The following FOLH1 variants were observed in gnomAD, a reference collection of about 807,000 sequenced individuals.
FOLH1 encodes glutamate carboxypeptidase 2.
FOLH1 carries 54 observed loss-of-function variants against 93.9 expected under a neutral mutation model. The ratio of observed to expected loss-of-function variants is 0.57; its 90% CI spans 0.46 to 0.72. The LOEUF (loss-of-function observed/expected upper bound fraction) is 0.72, where lower values mean the gene tolerates loss of function less well. Ranked by LOEUF, FOLH1 falls within the 30% of genes least tolerant of loss-of-function variation. The pLI, the probability that FOLH1 is intolerant of heterozygous loss-of-function variation, is 0.00. For missense variants in FOLH1, 571 were observed against 892.5 expected, an observed-to-expected ratio of 0.64 and a Z score of 4.59; for synonymous variants, 249 against 303.6, an observed-to-expected ratio of 0.82 and a Z score of 1.87.
chr11:49,150,553 C>A (rs1856391376), intron 17 of FOLH1, among the ~76,000 whole-genome samples: 1 of 152,044 alleles, frequency 6.6e-6, no homozygotes, highest in Admixed American at 6.6e-5. Flanking sequence ...TAAATATTTA[C>A]CAAGTGATAA....
At position 49,162,616 on chromosome 11, in the gene FOLH1, C is replaced by T. The variant is rs562653026; in HGVS notation, c.1440+2089G>A. 7.9e-5 allele frequency among the ~76,000 whole-genome samples: 12 copies of T among 152,222 alleles called. 1 individual carries two copies. The Middle Eastern group carries it at 0.01, about 129-fold the overall frequency. ...CATTTCAGGCATCTCAGCCTCAACC[C>T]GGTTCCGAAACCTTGCTGGAGAAGT... On this transcript the variant is annotated intron_variant, in intron 13 of 18. Transcript: ENST00000256999.
chr11:49,180,499 G>A (rs1033869712), intron 7 of FOLH1, among the ~76,000 whole-genome samples: 4 of 151,920 alleles, frequency 2.6e-5, no homozygotes, highest in Admixed American at 6.6e-5. Flanking sequence ...AGCATTCTTC[G>A]GCCATTATAT....
intron 17 of FOLH1, among the ~76,000 whole-genome samples, chr11:49,150,434 T>C (rs1856374965): frequency 6.6e-6 from 1 of 152,150 alleles, no homozygotes; most frequent in African/African-American, 2.4e-5. Flanking sequence ...TATACAAATA[T>C]AGGCAAGATT....
At chr11:49,162,364 C>T (rs546429957) in intron 13 of FOLH1, among the ~76,000 whole-genome samples, 7 of 152,158 alleles carry the variant, frequency 4.6e-5, no homozygotes, top group African/African-American at 1.4e-4. Flanking sequence ...TTCAGAAAGA[C>T]AGTCTTCAAC....
chr11:49,208,539 G>C lies in FOLH1; in HGVS notation c.-130C>G, dbSNP rs1864236628. 1.7e-6 allele frequency: 1 copy of C among 604,746 alleles called. No individual in the cohort carries two copies. Among genetic ancestry groups the C allele is most frequent in the African/African-American group, 1.9e-5 (1 of 53,010 alleles). 37.5% of individuals were successfully genotyped at this position (604,746 alleles called of 1,614,324 possible). On this transcript the variant is annotated 5_prime_UTR_variant, in exon 1 of 19. Coordinates refer to ENST00000256999, the MANE Select transcript of FOLH1 (RefSeq NM_004476.3). ...AATGCCTCGCTTATCAGCCCTGCAGGCTGGAATTCGCTCCAGACCTGGGGT... is the reference window on the plus strand; with the variant it reads ...AATGCCTCGCTTATCAGCCCTGCAGCCTGGAATTCGCTCCAGACCTGGGGT...
chr11:49,188,711 A>C (rs1162609284), intron 4 of FOLH1, among the ~76,000 whole-genome samples: 1 of 152,162 alleles, frequency 6.6e-6, no homozygotes, highest in African/African-American at 2.4e-5. Context: ...AATTATTGCT[A>C]GAATGAGACT....
intron 15 of FOLH1, among the ~76,000 whole-genome samples, chr11:49,156,364 T>C (rs1857035856): frequency 6.6e-6 from 1 of 152,152 alleles, no homozygotes; most frequent in African/African-American, 2.4e-5. Flanking sequence ...GGGGAGATAC[T>C]AATTTTGAAT....
chr11:49,169,176 T>C lies in FOLH1; in HGVS notation c.1372+19A>G, dbSNP rs1004948362. The C allele has an allele frequency of 6.8e-6, 11 of 1,611,396 alleles. No individual in the cohort carries two copies. The Admixed American group carries it at 8.3e-5, about 12-fold the overall frequency. The stretch of plus-strand genomic sequence containing the variant: ...CCTAGTTTAATCACATCTTTTCTTA[T>C]GAGACCAACGATATTCACCTTCTAT... On this transcript the variant is annotated intron_variant, in intron 12 of 18. Transcript: ENST00000256999.
intron 9 of FOLH1, among the ~76,000 whole-genome samples, chr11:49,173,804 T>G (rs1859666784): frequency 6.6e-6 from 1 of 152,174 alleles, no homozygotes; most frequent in African/African-American, 2.4e-5. Context: ...TACCACTTTC[T>G]AATATATTCA....
chr11:49,207,490 G>T (rs1396094176), intron 1 of FOLH1, among the ~76,000 whole-genome samples: 1 of 152,182 alleles, frequency 6.6e-6, no homozygotes, highest in Admixed American at 6.5e-5. Context: ...TTCCGAGCAG[G>T]AGTGGACTAC....
At chr11:49,191,756 G>T (rs899045312) in intron 4 of FOLH1, among the ~76,000 whole-genome samples, 2 of 152,124 alleles carry the variant, frequency 1.3e-5, no homozygotes, top group African/African-American at 4.8e-5. Context: ...GGAGTGCAGT[G>T]GCACAATCTC....
intron 13 of FOLH1, among the ~76,000 whole-genome samples, chr11:49,162,076 C>T (rs1199066924): frequency 1.3e-5 from 2 of 152,156 alleles, no homozygotes; most frequent in Non-Finnish European, 2.9e-5. Flanking sequence ...TCATTTTGTC[C>T]TTGGAGAATC....
At chr11:49,164,408 G>A (rs560408730) in intron 13 of FOLH1, among the ~76,000 whole-genome samples, 244 of 152,244 alleles carry the variant, frequency 1.6e-3, no homozygotes, top group South Asian at 9.7e-3. Context: ...TTCGGCTACC[G>A]TACAAGTTGT....
intron 7 of FOLH1, among the ~76,000 whole-genome samples, chr11:49,177,237 G>A (rs987823746): frequency 6.6e-6 from 1 of 152,058 alleles, no homozygotes; most frequent in South Asian, 2.1e-4. Flanking sequence ...TTTTCACTAA[G>A]GAGTTTGTAT....
chr11:49,147,412 A>G (rs1403902466), intron 18 of FOLH1, among the ~76,000 whole-genome samples: 2 of 150,586 alleles, frequency 1.3e-5, no homozygotes, highest in Non-Finnish European at 2.9e-5. Context: ...TAATCATTAC[A>G]GTCTTGCTTG....
intron 2 of FOLH1, among the ~76,000 whole-genome samples, chr11:49,204,164 G>T (rs1863591222): frequency 6.6e-6 from 1 of 152,202 alleles, no homozygotes; most frequent in Admixed American, 6.5e-5. Context: ...AAGAATCATG[G>T]GAAAGAGGCA....
intron 1 of FOLH1, chr11:49,206,637 T>TTTGAAGTGTTTCC (rs1864003513): frequency 1.8e-5 from 12 of 655,018 alleles, no homozygotes; most frequent in South Asian, 2.3e-5. Context: ...AAATAAATTA[T>TTTGAAGTGTTTCC]TTCCAAGTGT....
chr11:49,192,625 T>C (rs549968508), intron 4 of FOLH1, 168 bp downstream of exon 4: 23 of 422,908 alleles, frequency 5.4e-5, no homozygotes, highest in Non-Finnish European at 5.0e-5. Context: ...ATTAATAAAA[T>C]ATAATCAATA....
chr11:49,168,704 G>A (rs1463340273), intron 12 of FOLH1, among the ~76,000 whole-genome samples: 3 of 152,088 alleles, frequency 2.0e-5, no homozygotes, highest in Non-Finnish European at 2.9e-5. Flanking sequence ...ATCCTGACCT[G>A]AAGTGATCCA....
Sources: allele counts gnomAD v4.1 joint callset (sites outside exome capture counted in the v4.1 genomes callset), GRCh38; gene constraint gnomAD v4.1.1; transcripts MANE v1.5; gene names NCBI Gene and HGNC (gene_info 2026-07-23, HGNC 2026-07-21).